Variants in PWWP3A observed in about 807,000 individuals in gnomAD.
PWWP3A encodes the protein PWWP domain containing 3A, DNA repair factor.
A neutral mutation model predicts 79.0 loss-of-function variants in PWWP3A; 53 were observed. The observed-to-expected ratio is 0.67, with a 90% confidence interval of 0.54 to 0.84. The LOEUF is 0.84. Among genes scored for constraint, PWWP3A ranks in the 40% least tolerant of loss-of-function variants. The probability of loss-of-function intolerance (pLI) is 0.00; values close to 1 mark genes in which losing one functional copy is unlikely to be tolerated. For missense variants in PWWP3A, 973 were observed against 948.0 expected, an observed-to-expected ratio of 1.03 and a Z score of -0.35; for synonymous variants, 443 against 394.4, an observed-to-expected ratio of 1.12 and a Z score of -1.46.
chr19:1,367,235 T>A lies in PWWP3A; in HGVS notation c.1422+15T>A, dbSNP rs780821592. On this transcript the variant is annotated intron_variant, in intron 9 of 13. Transcript: ENST00000591337. ...AGACGCTTCTGGTAGGTGGATGATG[T>A]TTTGTGCTTGCTTTAAATGGTTTAC... 8 of 1,608,532 alleles carry A rather than the reference T, an allele frequency of 5.0e-6. No individual in the cohort carries two copies. The East Asian group carries it at 1.8e-4, about 36-fold the overall frequency.
rs774550016 is a variant in PWWP3A at position 1,360,478 on chromosome 19, C to G, written c.557C>G (p.Pro186Arg). ...AAGGGGCTCAGGAAAAGTGAAAACCCAAGAGGCCCGTTGGTCCTCCCAGCT... is the reference window on the plus strand; with the variant it reads ...AAGGGGCTCAGGAAAAGTGAAAACCGAAGAGGCCCGTTGGTCCTCCCAGCT... The part of the protein sequence containing the change: ...HKKGLRKSEN[P>R]RGPLVLPAGG... The change falls in exon 5 of 14, where the codon CCA becomes CGA. Residue 186 changes from proline (P) to arginine (R), a missense_variant. Pro to Arg is a moderately radical substitution (Grantham distance 103). Coordinates refer to ENST00000591337, the MANE Select transcript of PWWP3A (RefSeq NM_001369789.1). The surrounding 1 kb of genome is among the most constrained non-coding windows in gnomAD (Gnocchi z 4.4). 5 of 1,614,070 alleles carry G rather than the reference C, an allele frequency of 3.1e-6. No homozygotes were observed. Among genetic ancestry groups the G allele is most frequent in the Non-Finnish European group, 8.5e-7 (1 of 1,180,038 alleles).
chr19:1,376,998 CGGGTTTGCT>C lies in PWWP3A; in HGVS notation c.*424_*432del, dbSNP rs2082416486. On this transcript the variant is annotated 3_prime_UTR_variant, in exon 14 of 14. Coordinates refer to ENST00000591337, the MANE Select transcript of PWWP3A (RefSeq NM_001369789.1). ...GCTTCGGAAGCGGGAATGGTTCTTC[CGGGTTTGCT>C]GTTTTGTCTGTTTCCCCCTTGTGTG... is the stretch of plus-strand genomic sequence containing the variant. 1 of 155,064 alleles carries C rather than the reference CGGGTTTGCT, an allele frequency of 6.4e-6. No homozygotes were observed. The highest frequency in any genetic ancestry group is 1.4e-5 in the Non-Finnish European group (1 of 70,354). The allele number at this position is 155,064 out of a possible 1,614,324, so 9.6% of individuals were successfully genotyped here. A position where few individuals can be genotyped will look rare whatever the true frequency, so the allele number is the denominator to read the frequency against.
At chr19:1,366,470 CAG>C (rs2082131976) in intron 8 of PWWP3A, 89 bp downstream of exon 8, 3 of 1,232,696 alleles carry the variant, frequency 2.4e-6, no homozygotes, top group Non-Finnish European at 3.6e-6. Context: ...GATGGAGGGA[CAG>C]AGGGGAGGCC....
chr19:1,376,312 T>TTTTTTTTTTTTTTTTTTTTG (rs1568968980), intron 13 of PWWP3A, among the ~76,000 whole-genome samples: 1 of 79,656 alleles, frequency 1.3e-5, no homozygotes, highest in African/African-American at 6.2e-5. Context: ...TTTTTGTTTG[T>TTTTTTTTTTTTTTTTTTTTG]TTTTTTTTTT....
chr19:1,371,334 A>AG (rs1420051011), intron 12 of PWWP3A: 3 of 706,202 alleles, frequency 4.2e-6, no homozygotes, highest in Non-Finnish European at 7.7e-6. Context: ...TGTCAGCACC[A>AG]GGGGGTGCGA....
chr19:1,363,820 G>A (rs898122232), intron 6 of PWWP3A, among the ~76,000 whole-genome samples: 1 of 152,148 alleles, frequency 6.6e-6, no homozygotes, highest in Non-Finnish European at 1.5e-5. Context: ...GGTCACGTTG[G>A]TTACTTCATA....
intron 13 of PWWP3A, chr19:1,373,469 C>G (rs1250527657): frequency 1.0e-5 from 4 of 397,826 alleles, no homozygotes; most frequent in Non-Finnish European, 1.8e-5. Flanking sequence ...TTGCACTTTC[C>G]TCCCCTCTTT....
Position 1,360,392 on chromosome 19 carries a change from A to G in PWWP3A, c.471A>G (p.Gln157=), listed in dbSNP as rs1314165520. 3.1e-6 allele frequency: 5 copies of G among 1,614,128 alleles called. No homozygotes were observed. Among genetic ancestry groups the G allele is most frequent in the East Asian group, 2.2e-5 (1 of 44,880 alleles). Residue 157 remains glutamine (Q), a synonymous_variant, in exon 5 of 14, where the codon CAA becomes CAG. Coordinates refer to ENST00000591337, the MANE Select transcript of PWWP3A (RefSeq NM_001369789.1). This position sits in a 1 kb window ranked among gnomAD's most constrained non-coding sequence, Gnocchi z 4.4. ...SRPHRRRPCV[Q]QSLSSSFTCE... ...CTCACAGGAGGAGGCCATGTGTGCAACAAAGCCTGTCAAGTTCGTTCACTT... is the reference window on the plus strand; with the variant it reads ...CTCACAGGAGGAGGCCATGTGTGCAGCAAAGCCTGTCAAGTTCGTTCACTT...
At chr19:1,370,553 C>A in intron 11 of PWWP3A, 89 bp from the exon 12 acceptor site, 1 of 1,225,572 alleles carries the variant, frequency 8.2e-7, no homozygotes, top group Non-Finnish European at 1.1e-6. Context: ...CCATCCCTGC[C>A]ATGTCGCAGC....
At chr19:1,362,179 A>T in intron 5 of PWWP3A, 71 bp from the exon 6 acceptor site, 2 of 1,327,720 alleles carry the variant, frequency 1.5e-6, no homozygotes, top group Non-Finnish European at 2.1e-6. Context: ...ATGTGTCATG[A>T]AATGTTTTCT....
rs1355421507 is a variant in PWWP3A, at chr19:1,370,828, T to C, written c.1736T>C (p.Ile579Thr). ...DRANQKLVEY[I>T]VKAKGAESHL... ...GCCAACCAGAAGCTGGTGGAGTACATTGTGAAGGCCAAGGGCGCGGAGAGC... is the reference window on the plus strand; with the variant it reads ...GCCAACCAGAAGCTGGTGGAGTACACTGTGAAGGCCAAGGGCGCGGAGAGC... The change falls in exon 12 of 14, where the codon ATT (isoleucine) becomes ACT (threonine). Residue 579 changes from isoleucine (I) to threonine (T), a missense_variant. Ile to Thr is a moderately conservative substitution (Grantham distance 89). Coordinates refer to ENST00000591337, the MANE Select transcript of PWWP3A (RefSeq NM_001369789.1). 4.5e-6 allele frequency: 7 copies of C among 1,572,502 alleles called. No homozygotes were observed. The highest frequency in any genetic ancestry group is 4.7e-5 in the East Asian group (2 of 42,768).
chr19:1,360,430 C>A lies in PWWP3A; in HGVS notation c.509C>A (p.Pro170His). The change falls in exon 5 of 14, where the codon CCC becomes CAC. Residue 170 changes from proline (P) to histidine (H), a missense_variant. Physicochemically the swap from Pro to His is moderately conservative, Grantham distance 77. Transcript: ENST00000591337. The surrounding 1 kb of genome is among the most constrained non-coding windows in gnomAD (Gnocchi z 4.4). The stretch of plus-strand genomic sequence containing the variant: ...AGTTCGTTCACTTGTGAAAAGGACC[C>A]CGAGTGCAAAGTGGACCACAAGAAG... ...LSSSFTCEKD[P>H]ECKVDHKKGL... is the part of the protein sequence containing the mutation. The A allele has an allele frequency of 6.2e-7, 1 of 1,614,086 alleles. No homozygotes were observed. Among genetic ancestry groups the A allele is most frequent in the Non-Finnish European group, 8.5e-7 (1 of 1,180,026 alleles).
chr19:1,371,109 A>G (rs1380192967), intron 12 of PWWP3A, 31 bp downstream of exon 12: 1 of 1,542,618 alleles, frequency 6.5e-7, no homozygotes, highest in Admixed American at 2.0e-5. Flanking sequence ...TCACGTGGGC[A>G]GGGAGGGGCC....
Position 1,355,038 on chromosome 19 carries a change from G to C in PWWP3A, c.-167G>C, listed in dbSNP as rs1460022681. ...CGGAGGCGGTGAGCGCGGGCGGCGC[G>C]GACGGCAGCGGTTGGCGGGCGGGTC... On this transcript the variant is annotated 5_prime_UTR_variant, in exon 1 of 14. Transcript: ENST00000591337. 1 of 150,666 alleles carries C rather than the reference G, an allele frequency of 6.6e-6. No individual in the cohort carries two copies. The highest frequency in any genetic ancestry group is 6.7e-5 in the Admixed American group (1 of 14,974). 9.3% of individuals were successfully genotyped at this position (150,666 alleles called of 1,614,324 possible).
At chr19:1,373,286 C>A in intron 13 of PWWP3A, 126 bp downstream of exon 13, 2 of 790,744 alleles carry the variant, frequency 2.5e-6, no homozygotes, top group Non-Finnish European at 2.1e-6. Context: ...GGCCCAGGTG[C>A]TGGGTGGTGA....
chr19:1,366,493 TC>T, intron 8 of PWWP3A, 112 bp downstream of exon 8: 1 of 970,416 alleles, frequency 1.0e-6, no homozygotes. Context: ...CCGGCAGGAG[TC>T]CAGGCCCGGG....
At chr19:1,358,165 A>T (rs563689768) in intron 3 of PWWP3A, 2 of 488,326 alleles carry the variant, frequency 4.1e-6, no homozygotes, top group Non-Finnish European at 3.6e-6. Flanking sequence ...TTTTAAATCC[A>T]GCCAACCTTT....
In PWWP3A at chr19:1,376,592, T is replaced by G. The variant is rs772784887; in HGVS notation, c.*16T>G. Reference sequence around the variant, plus strand: ...CCGTCGGTGAGGGAGCAGCCGGCTGTGCTGTCAGCGGGGCCTGGCGGTGGA... The same window carrying G: ...CCGTCGGTGAGGGAGCAGCCGGCTGGGCTGTCAGCGGGGCCTGGCGGTGGA... On this transcript the variant is annotated 3_prime_UTR_variant, in exon 14 of 14. Transcript: ENST00000591337. 7.4e-6 allele frequency: 12 copies of G among 1,613,204 alleles called. No individual in the cohort carries two copies. The highest frequency in any genetic ancestry group is 1.7e-5 in the Admixed American group (1 of 59,982).
intron 6 of PWWP3A, among the ~76,000 whole-genome samples, chr19:1,363,434 T>C (rs974248413): frequency 6.6e-6 from 1 of 152,324 alleles, no homozygotes; most frequent in African/African-American, 2.4e-5. Context: ...GCAGGTGCTG[T>C]GGGGCACCCA....
Sources: allele counts gnomAD v4.1 joint callset (sites outside exome capture counted in the v4.1 genomes callset), GRCh38; gene constraint gnomAD v4.1.1; non-coding constraint Gnocchi (gnomAD v3.1); transcripts MANE v1.5; gene names NCBI Gene and HGNC (gene_info 2026-07-23, HGNC 2026-07-21).